The following ZFYVE1 variants were observed in gnomAD, a reference collection of about 807,000 sequenced individuals.
The protein encoded by ZFYVE1 is zinc finger FYVE-type containing 1.
ZFYVE1 carries 30 observed loss-of-function variants against 74.4 expected under a neutral mutation model. The ratio of observed to expected loss-of-function variants is 0.40; its 90% CI spans 0.30 to 0.55. The LOEUF is 0.55. Ranked by LOEUF, ZFYVE1 falls within the 20% of genes least tolerant of loss-of-function variation. The pLI is 0.42. For missense variants in ZFYVE1, 703 were observed against 1,011.6 expected (o/e 0.69, Z 4.14); for synonymous variants, 335 against 385.1 (o/e 0.87, Z 1.52).
chr14:73,000,341 C>G (rs1893841517), intron 2 of ZFYVE1, among the ~76,000 whole-genome samples: 1 of 151,966 alleles, frequency 6.6e-6, no homozygotes, highest in Non-Finnish European at 1.5e-5. Context: ...GTGGCTCAGG[C>G]CTATAATCCC....
intron 2 of ZFYVE1, among the ~76,000 whole-genome samples, chr14:73,023,450 A>G (rs112869553): frequency 2.9e-5 from 4 of 139,108 alleles, no homozygotes; most frequent in East Asian, 2.0e-4. Flanking sequence ...TATTTTATAT[A>G]TGTTTTATAT....
At chr14:73,003,462 C>G (rs531122768) in intron 2 of ZFYVE1, among the ~76,000 whole-genome samples, 1 of 152,134 alleles carries the variant, frequency 6.6e-6, no homozygotes, top group East Asian at 1.9e-4. Context: ...ACCAAATCCC[C>G]GTGCTTTGGG....
At chr14:72,996,602 A>C (rs1893754729) in intron 3 of ZFYVE1, among the ~76,000 whole-genome samples, 1 of 152,148 alleles carries the variant, frequency 6.6e-6, no homozygotes, top group Admixed American at 6.6e-5. Context: ...TGAAGCTACT[A>C]GGAGTTTGCT....
chr14:73,000,539 G>A (rs1347346868), intron 2 of ZFYVE1, among the ~76,000 whole-genome samples: 1 of 151,948 alleles, frequency 6.6e-6, no homozygotes, highest in Non-Finnish European at 1.5e-5. Flanking sequence ...AGGAGTTCGA[G>A]GCTACAGTGA....
chr14:72,981,858 T>G lies in ZFYVE1; in HGVS notation c.1241A>C (p.Asp414Ala). The change falls in exon 5 of 12, where the codon GAC becomes GCC. Residue 414 changes from aspartate to alanine, a missense_variant. Asp to Ala is a moderately radical substitution (Grantham distance 126). Around this residue, in one of 2 missense-constraint regions of ZFYVE1, gnomAD observed 492 missense variants for 790.0 expected, o/e 0.62. Transcript: ENST00000556143. ...AAAAAAGGAGCTGTGCGCCATCTGG[T>G]CATCGGGGATCTCACCGCTGAAGCG... ...SDRFSGEIPDDQMAHSSFFPD... is the reference protein window; with the variant it reads ...SDRFSGEIPDAQMAHSSFFPD... The G allele has an allele frequency of 6.2e-7, 1 of 1,614,046 alleles. No homozygotes were observed. Among genetic ancestry groups the G allele is most frequent in the African/African-American group, 1.3e-5 (1 of 75,028 alleles).
In ZFYVE1 at chr14:73,011,912, A is replaced by G. The variant is rs559597502; in HGVS notation, c.483+12114T>C. 1.1e-3 allele frequency among the ~76,000 whole-genome samples: 163 copies of G among 151,864 alleles called. 4 individuals are homozygous for G. In the South Asian group the frequency reaches 0.031, roughly 29 times the overall value. ...TATAAAATGCATAAGAAAACATTCA[A>G]TCTTCTTCAAAAGAATGATATGGCC... is the stretch of plus-strand genomic sequence containing the variant. On this transcript the variant is annotated intron_variant, in intron 2 of 11. Coordinates refer to ENST00000556143, the MANE Select transcript of ZFYVE1 (RefSeq NM_021260.4).
At chr14:73,012,772 C>T (rs1449899542) in intron 2 of ZFYVE1, among the ~76,000 whole-genome samples, 1 of 151,930 alleles carries the variant, frequency 6.6e-6, no homozygotes, top group Non-Finnish European at 1.5e-5. Flanking sequence ...GAGATATTAC[C>T]GAAACTCAGA....
At chr14:72,992,139 C>T (rs561915545) in intron 4 of ZFYVE1, among the ~76,000 whole-genome samples, 2 of 152,204 alleles carry the variant, frequency 1.3e-5, no homozygotes, top group East Asian at 3.9e-4. Context: ...AAACACCTGA[C>T]CTCAAGTGAT....
At chr14:72,990,173 C>T (rs1234082518) in intron 4 of ZFYVE1, among the ~76,000 whole-genome samples, 1 of 152,088 alleles carries the variant, frequency 6.6e-6, no homozygotes, top group Admixed American at 6.6e-5. Flanking sequence ...AGTACAAAAC[C>T]AATTTTTTCA....
chr14:73,013,975 C>A (rs1031666254), intron 2 of ZFYVE1, among the ~76,000 whole-genome samples: 16 of 152,086 alleles, frequency 1.1e-4, no homozygotes, highest in Non-Finnish European at 2.1e-4. Flanking sequence ...AGTAGATGCA[C>A]CCACAGGAAA....
At chr14:72,986,826 G>C in intron 4 of ZFYVE1, 1 of 964,676 alleles carries the variant, frequency 1.0e-6, no homozygotes, top group Non-Finnish European at 1.2e-6. Context: ...CACTGCGCCC[G>C]GCCCTGATTT....
chr14:72,971,211 C>G, intron 11 of ZFYVE1, 97 bp from the exon 12 acceptor site: 1 of 1,201,934 alleles, frequency 8.3e-7, no homozygotes, highest in Non-Finnish European at 1.2e-6. Flanking sequence ...CTTATAATCC[C>G]AACTGCACAC....
chr14:72,975,508 A>G lies in ZFYVE1; in HGVS notation c.1806+43T>C, dbSNP rs1161230870. On this transcript the variant is annotated intron_variant, in intron 9 of 11. Coordinates refer to ENST00000556143, the MANE Select transcript of ZFYVE1 (RefSeq NM_021260.4). This position sits in a 1 kb window ranked among gnomAD's most constrained non-coding sequence, Gnocchi z 4.1. ...ACAGGGCAAAGCGGCATTAAGTAGG[A>G]TGGGCTGTGCCAGGAGTGGAGGGGC... 1.3e-6 allele frequency: 2 copies of G among 1,580,734 alleles called. No homozygotes were observed. Among genetic ancestry groups the G allele is most frequent in the Admixed American group, 3.7e-5 (2 of 54,704 alleles).
chr14:72,999,419 C>T (rs1270251898), intron 2 of ZFYVE1, among the ~76,000 whole-genome samples: 1 of 152,076 alleles, frequency 6.6e-6, no homozygotes, highest in African/African-American at 2.4e-5. Flanking sequence ...AAGAACGAAA[C>T]TCCATTTCAA....
At chr14:73,019,957 A>G (rs1567365207) in intron 2 of ZFYVE1, among the ~76,000 whole-genome samples, 1 of 149,342 alleles carries the variant, frequency 6.7e-6, no homozygotes, top group African/African-American at 2.5e-5. Context: ...TCTCAAAAAA[A>G]AAGAAAAAGA....
intron 4 of ZFYVE1, among the ~76,000 whole-genome samples, chr14:72,991,047 A>G (rs1387482171): frequency 2.0e-5 from 3 of 151,902 alleles, no homozygotes; most frequent in Admixed American, 6.6e-5. Context: ...GACGCTTACC[A>G]CCTCGGAAGA....
At chr14:72,984,068 C>T (rs1349655818) in intron 4 of ZFYVE1, among the ~76,000 whole-genome samples, 2 of 152,204 alleles carry the variant, frequency 1.3e-5, no homozygotes, top group Non-Finnish European at 2.9e-5. Flanking sequence ...GTACACAACT[C>T]ACCCAAGGAC....
intron 5 of ZFYVE1, among the ~76,000 whole-genome samples, chr14:72,980,794 G>C (rs1893310352): frequency 6.6e-6 from 1 of 151,778 alleles, no homozygotes; most frequent in Admixed American, 6.6e-5. Context: ...CTGACCTCGT[G>C]ATCCACCTGC....
At chr14:72,972,899 G>A (rs1253733748) in intron 11 of ZFYVE1, among the ~76,000 whole-genome samples, 32 of 151,846 alleles carry the variant, frequency 2.1e-4, no homozygotes, top group Admixed American at 6.6e-5. Context: ...CAGTAGAGAC[G>A]GGTTTTCACC....
Sources: allele counts gnomAD v4.1 joint callset (sites outside exome capture counted in the v4.1 genomes callset), GRCh38; gene constraint gnomAD v4.1.1; regional missense constraint gnomAD v4.1.1; non-coding constraint Gnocchi (gnomAD v3.1); transcripts MANE v1.5; gene names NCBI Gene and HGNC (gene_info 2026-07-23, HGNC 2026-07-21).